The following WDR7 variants were observed in gnomAD, a reference collection of about 807,000 sequenced individuals.
WDR7 encodes WD repeat domain 7, also known as WD repeat-containing protein 7.
WDR7 carries 46 observed loss-of-function variants against 169.4 expected under a neutral mutation model. That is an observed-to-expected ratio of 0.27 (90% confidence interval 0.21 to 0.35). The LOEUF (loss-of-function observed/expected upper bound fraction) is 0.35. Among genes scored for constraint, WDR7 ranks in the 10% least tolerant of loss-of-function variants. The pLI is 1.00. For missense variants in WDR7, 1,534 were observed against 1,859.3 expected (o/e 0.83, Z 3.22); for synonymous variants, 612 against 666.8 (o/e 0.92, Z 1.27).
In WDR7 at chr18:57,027,078, G is replaced by C; in HGVS notation, c.4344G>C (p.Gln1448His). The C allele has an allele frequency of 6.2e-7, 1 of 1,614,150 alleles. No homozygotes were observed. Among genetic ancestry groups the C allele is most frequent in the African/African-American group, 1.3e-5 (1 of 75,050 alleles). Residue 1448 changes from glutamine to histidine, a missense_variant, in exon 28 of 28, where the codon CAG becomes CAC. Transcript: ENST00000254442. ...APQLRCIKTY[Q>H]VPPVQPASPG... ...AGCTGCGCTGCATTAAAACCTACCA[G>C]GTGCCCCCTGTGCAGCCCGCGTCCC...
At chr18:56,929,192 C>G (rs1230385899) in intron 22 of WDR7, among the ~76,000 whole-genome samples, 1 of 152,060 alleles carries the variant, frequency 6.6e-6, no homozygotes, top group Non-Finnish European at 1.5e-5. Flanking sequence ...AGGAGGATCA[C>G]TTGAGCACAG....
chr18:56,784,818 TGTAA>T (rs2044371636), intron 19 of WDR7, among the ~76,000 whole-genome samples: 2 of 152,214 alleles, frequency 1.3e-5, no homozygotes, highest in Admixed American at 1.3e-4. Flanking sequence ...TTTGTATTTA[TGTAA>T]GTCTTTTGTA....
chr18:56,912,357 G>C (rs914574584), intron 21 of WDR7, among the ~76,000 whole-genome samples: 9 of 152,254 alleles, frequency 5.9e-5, no homozygotes, highest in African/African-American at 1.9e-4. Flanking sequence ...GAAGGTTACA[G>C]GAACACCAAG....
At chr18:56,677,501 C>A (rs928746652) in intron 2 of WDR7, among the ~76,000 whole-genome samples, 1 of 152,110 alleles carries the variant, frequency 6.6e-6, no homozygotes, top group African/African-American at 2.4e-5. Flanking sequence ...AGATGTGTGC[C>A]ACCCCACCTG....
intron 26 of WDR7, among the ~76,000 whole-genome samples, chr18:57,003,020 TACA>T (rs941185522): frequency 1.1e-4 from 17 of 152,328 alleles, no homozygotes; most frequent in Non-Finnish European, 2.1e-4. Context: ...ATTAATTTTA[TACA>T]ACATTTATGT....
At chr18:56,814,816 T>G (rs1405987694) in intron 19 of WDR7, among the ~76,000 whole-genome samples, 1 of 151,818 alleles carries the variant, frequency 6.6e-6, no homozygotes, top group Non-Finnish European at 1.5e-5. Flanking sequence ...AAAAAAAAAA[T>G]GCTTCTGCAA....
intron 1 of WDR7, 172 bp downstream of exon 1, chr18:56,651,748 G>C (rs2024659391): frequency 6.6e-6 from 1 of 152,408 alleles, no homozygotes; most frequent in African/African-American, 2.4e-5. Flanking sequence ...AGTAGGCGCC[G>C]TTACCAAGAG....
At chr18:56,806,091 C>T (rs1054827933) in intron 19 of WDR7, among the ~76,000 whole-genome samples, 2 of 152,152 alleles carry the variant, frequency 1.3e-5, no homozygotes, top group African/African-American at 4.8e-5. Flanking sequence ...TCTTCCTCTT[C>T]CCATCCTAAG....
At chr18:56,892,329 C>CAT (rs1391953522) in intron 21 of WDR7, among the ~76,000 whole-genome samples, 1 of 152,106 alleles carries the variant, frequency 6.6e-6, no homozygotes, top group Non-Finnish European at 1.5e-5. Flanking sequence ...TGCTTTTATA[C>CAT]ATTCCAGTAG....
chr18:56,815,753 C>G (rs549624468), intron 19 of WDR7, among the ~76,000 whole-genome samples: 1 of 152,212 alleles, frequency 6.6e-6, no homozygotes, highest in African/African-American at 2.4e-5. Context: ...TGAAAGGAAT[C>G]GAGTAAAAAA....
chr18:56,771,399 A>G lies in WDR7; in HGVS notation c.2849-5383A>G, dbSNP rs539113409. On this transcript the variant is annotated intron_variant, in intron 16 of 27. Coordinates refer to ENST00000254442, the MANE Select transcript of WDR7 (RefSeq NM_015285.3). ...CTAAGCTAAAGAGAGGATGATGAAG[A>G]TTGGTTAGGAGATGTGTGTTTCTTA... 1.3e-4 allele frequency among the ~76,000 whole-genome samples: 20 copies of G among 152,164 alleles called. No individual in the cohort carries two copies. In the South Asian group the frequency reaches 3.9e-3, roughly 30 times the overall value.
intron 21 of WDR7, among the ~76,000 whole-genome samples, chr18:56,881,734 G>C (rs912204506): frequency 6.6e-6 from 1 of 151,906 alleles, no homozygotes; most frequent in Non-Finnish European, 1.5e-5. Context: ...TACAGGTGTA[G>C]GCCACGATGA....
intron 5 of WDR7, among the ~76,000 whole-genome samples, chr18:56,685,194 G>A (rs114180848): frequency 0.026 from 3,926 of 152,216 alleles, 151 homozygotes; most frequent in African/African-American, 0.089. Context: ...TGAGAATTTA[G>A]TATGTGCTGA....
intron 1 of WDR7, among the ~76,000 whole-genome samples, chr18:56,662,471 A>G (rs1359754518): frequency 2.0e-5 from 3 of 152,248 alleles, no homozygotes; most frequent in Admixed American, 6.5e-5. Context: ...AGGAAAAACA[A>G]AAACAGTAGC....
chr18:56,858,170 T>A (rs2045751252), intron 20 of WDR7, among the ~76,000 whole-genome samples: 1 of 152,172 alleles, frequency 6.6e-6, no homozygotes, highest in African/African-American at 2.4e-5. Context: ...TTATTTTTAT[T>A]AGCACCATTT....
intron 26 of WDR7, among the ~76,000 whole-genome samples, chr18:56,996,698 A>T (rs1225742529): frequency 2.6e-5 from 4 of 152,224 alleles, no homozygotes; most frequent in African/African-American, 9.6e-5. Flanking sequence ...GCCCAGAATT[A>T]TTAGGAAGTG....
At chr18:56,856,491 G>A (rs1479616588) in intron 20 of WDR7, among the ~76,000 whole-genome samples, 4 of 151,942 alleles carry the variant, frequency 2.6e-5, no homozygotes, top group Non-Finnish European at 4.4e-5. Flanking sequence ...CTGAGATTGC[G>A]CCACTGCACT....
At chr18:56,671,783 G>A (rs980408533) in intron 1 of WDR7, among the ~76,000 whole-genome samples, 5 of 151,336 alleles carry the variant, frequency 3.3e-5, no homozygotes. Context: ...CTATGAAATA[G>A]GAATGATAAT....
chr18:56,813,809 G>C (rs1054999934), intron 19 of WDR7, among the ~76,000 whole-genome samples: 1 of 152,064 alleles, frequency 6.6e-6, no homozygotes, highest in Non-Finnish European at 1.5e-5. Flanking sequence ...CAAAGAACCA[G>C]TTTTAGCACA....
Sources: gnomAD v4.1 joint callset for allele counts (sites outside exome capture counted in the v4.1 genomes callset) on GRCh38, gnomAD v4.1.1 for gene constraint, MANE v1.5 for transcripts, NCBI Gene and HGNC (gene_info 2026-07-23, HGNC 2026-07-21) for gene names.